XPR1: variants seen among roughly 807,000 people sequenced by gnomAD.
XPR1 encodes solute carrier family 53 member 1.
A neutral mutation model predicts 87.5 loss-of-function variants in XPR1; 28 were observed. The ratio of observed to expected loss-of-function variants is 0.32; its 90% CI spans 0.24 to 0.44. The LOEUF (loss-of-function observed/expected upper bound fraction) is 0.44, where lower values mean the gene tolerates loss of function less well. Ranked by LOEUF, XPR1 falls within the 20% of genes least tolerant of loss-of-function variation. The pLI is 1.00. For synonymous variants in XPR1, 300 were observed against 306.1 expected (o/e 0.98, Z 0.21); for missense variants, 559 against 862.3 (o/e 0.65, Z 4.41).
intron 12 of XPR1, among the ~76,000 whole-genome samples, chr1:180,873,333 A>G (rs1356431204): frequency 6.6e-6 from 1 of 152,234 alleles, no homozygotes; most frequent in Non-Finnish European, 1.5e-5. Context: ...CATTCACATC[A>G]AAAAGCAAGG....
rs1190368063 is a variant in XPR1, at chr1:180,746,055, C to G, written c.122-41698C>G. On this transcript the variant is annotated intron_variant, in intron 2 of 14. Transcript: ENST00000367590. ...GGCTATGTCCTTCTGGAGTCTCTAT[C>G]TGTTCCTTTTTTTTCTTTTTCTGCC... 3.3e-5 allele frequency among the ~76,000 whole-genome samples: 5 copies of G among 152,154 alleles called. No homozygotes were observed. In the East Asian group the frequency reaches 9.6e-4, roughly 29 times the overall value.
intron 1 of XPR1, among the ~76,000 whole-genome samples, chr1:180,673,918 T>C (rs1337578243): frequency 6.6e-6 from 1 of 152,232 alleles, no homozygotes; most frequent in Non-Finnish European, 1.5e-5. Flanking sequence ...TACTTTGTGA[T>C]GAGCTTTTAA....
At chr1:180,665,920 AG>A (rs1655944965) in intron 1 of XPR1, among the ~76,000 whole-genome samples, 1 of 152,112 alleles carries the variant, frequency 6.6e-6, no homozygotes, top group African/African-American at 2.4e-5. Context: ...TGATTGATGG[AG>A]GCTTCTGTTC....
Position 180,759,839 on chromosome 1 carries a change from C to G in XPR1, c.122-27914C>G, listed in dbSNP as rs374774961. ...AAAGAGAATTTAGACCAATATCCTT[C>G]ATGAACATTGATGCAAAAATCCTCA... On this transcript the variant is annotated intron_variant, in intron 2 of 14. Transcript: ENST00000367590. 3.2e-4 allele frequency among the ~76,000 whole-genome samples: 48 copies of G among 152,106 alleles called. 1 individual carries two copies. The highest frequency in any genetic ancestry group is 6.0e-4 in the African/African-American group (25 of 41,550).
chr1:180,854,217 T>C (rs1651963515), intron 11 of XPR1, among the ~76,000 whole-genome samples: 1 of 152,248 alleles, frequency 6.6e-6, no homozygotes, highest in South Asian at 2.1e-4. Flanking sequence ...AAAGCTTTAT[T>C]TCCTGTAAAG....
intron 1 of XPR1, among the ~76,000 whole-genome samples, chr1:180,645,122 G>C (rs1655074090): frequency 6.6e-6 from 1 of 152,196 alleles, no homozygotes; most frequent in South Asian, 2.1e-4. Flanking sequence ...AGTTGTCTCA[G>C]ACACACTTTT....
At chr1:180,651,032 A>C (rs542624221) in intron 1 of XPR1, among the ~76,000 whole-genome samples, 1 of 152,206 alleles carries the variant, frequency 6.6e-6, no homozygotes, top group African/African-American at 2.4e-5. Context: ...TCTTTTTTGC[A>C]TAACAGGACC....
intron 1 of XPR1, among the ~76,000 whole-genome samples, chr1:180,679,130 G>A (rs1229108305): frequency 1.3e-5 from 2 of 152,130 alleles, no homozygotes; most frequent in Non-Finnish European, 2.9e-5. Flanking sequence ...AGGAGGCGGA[G>A]CTTGCAGTGA....
intron 2 of XPR1, among the ~76,000 whole-genome samples, chr1:180,734,538 G>A (rs1382569889): frequency 2.0e-5 from 3 of 152,130 alleles, no homozygotes; most frequent in African/African-American, 7.2e-5. Flanking sequence ...CTGATAGTTG[G>A]TTTGCAGAGA....
chr1:180,681,884 C>T (rs1447832107), intron 1 of XPR1, among the ~76,000 whole-genome samples: 1 of 152,054 alleles, frequency 6.6e-6, no homozygotes, highest in African/African-American at 2.4e-5. Flanking sequence ...AGAATGGTTG[C>T]ACAACAATGT....
At chr1:180,632,369 C>T (rs1654614585) in intron 1 of XPR1, 99 bp downstream of exon 1, 10 of 1,465,522 alleles carry the variant, frequency 6.8e-6, no homozygotes, top group Non-Finnish European at 9.3e-6. Flanking sequence ...CTCCCTGTGC[C>T]CGGGCAGACT....
intron 2 of XPR1, among the ~76,000 whole-genome samples, chr1:180,753,133 A>G (rs989655113): frequency 3.3e-5 from 5 of 152,250 alleles, no homozygotes; most frequent in Non-Finnish European, 7.3e-5. Context: ...TTTGCTTACT[A>G]CAAAATGATA....
At chr1:180,693,044 A>G (rs12089730) in intron 2 of XPR1, among the ~76,000 whole-genome samples, 3,102 of 152,286 alleles carry the variant, frequency 0.02, 106 homozygotes, top group African/African-American at 0.071. Flanking sequence ...GTAATGAAAT[A>G]GGGAAGAGAT....
intron 3 of XPR1, among the ~76,000 whole-genome samples, chr1:180,797,476 G>A (rs545148718): frequency 1.3e-5 from 2 of 152,300 alleles, no homozygotes; most frequent in Admixed American, 6.5e-5. Context: ...TTGGCACACA[G>A]GAAGTAACAG....
intron 2 of XPR1, among the ~76,000 whole-genome samples, chr1:180,698,105 C>T (rs1359316669): frequency 6.6e-6 from 1 of 152,100 alleles, no homozygotes; most frequent in Non-Finnish European, 1.5e-5. Context: ...CCTTAAATAT[C>T]TGGGTGCTCT....
At chr1:180,722,330 G>T (rs1357473125) in intron 2 of XPR1, among the ~76,000 whole-genome samples, 1 of 152,168 alleles carries the variant, frequency 6.6e-6, no homozygotes, top group South Asian at 2.1e-4. Flanking sequence ...TCCTGACCTC[G>T]TGATCTACCC....
At position 180,847,075 on chromosome 1, in the gene XPR1, G is replaced by A. The variant is rs146397690; in HGVS notation, c.1501+10359G>A. Among the ~76,000 whole-genome samples the A allele has an allele frequency of 3.0e-3, 455 of 152,148 alleles. 4 individuals carry two copies. Among genetic ancestry groups the A allele is most frequent in the Middle Eastern group, 0.027 (8 of 294 alleles). On this transcript the variant is annotated intron_variant, in intron 11 of 14. Coordinates refer to ENST00000367590, the MANE Select transcript of XPR1 (RefSeq NM_004736.4). ...CTTGTAACTATTTTATCCTTACCAG[G>A]AATCTTCTCAAACGAAGTAAATATC...
rs764934195 is a variant in XPR1 at position 180,824,856 on chromosome 1, G to A, written c.867G>A (p.Thr289=). The A allele has an allele frequency of 3.5e-5, 56 of 1,614,042 alleles. No homozygotes were observed. Among genetic ancestry groups the A allele is most frequent in the Admixed American group, 5.0e-5 (3 of 60,012 alleles). Reference sequence around the variant, plus strand: ...TCCTTTTTCTACTGGGCATCAACACGTATGGTTGGAGACAGGCTGGAGTAA... The same window carrying A: ...TCCTTTTTCTACTGGGCATCAACACATATGGTTGGAGACAGGCTGGAGTAA... The part of the protein sequence containing the change: ...IEFLFLLGIN[T]YGWRQAGVNH... Residue 289 remains threonine (T), a synonymous_variant, in exon 8 of 15, where the codon ACG becomes ACA. Coordinates refer to ENST00000367590, the MANE Select transcript of XPR1 (RefSeq NM_004736.4).
At chr1:180,831,138 GC>G (rs1463686557) in intron 9 of XPR1, among the ~76,000 whole-genome samples, 1 of 152,156 alleles carries the variant, frequency 6.6e-6, no homozygotes, top group Non-Finnish European at 1.5e-5. Flanking sequence ...AGATAATGAG[GC>G]ATGCCTCAGA....
Sources: gnomAD v4.1 joint callset for allele counts (sites outside exome capture counted in the v4.1 genomes callset) on GRCh38, gnomAD v4.1.1 for gene constraint, MANE v1.5 for transcripts, NCBI Gene and HGNC (gene_info 2026-07-23, HGNC 2026-07-21) for gene names.